The following OTOP1 variants were observed in gnomAD, a reference collection of about 807,000 sequenced individuals.
The protein encoded by OTOP1 is otopetrin 1.
Under a neutral mutation model 52.9 loss-of-function variants are expected in OTOP1, and 59 were observed. That is an observed-to-expected ratio of 1.12 (90% CI 0.91 to 1.39). The LOEUF is 1.39. Among genes scored for constraint, OTOP1 ranks in the 40% most tolerant of loss-of-function variants. OTOP1 has a pLI of 0.00. For missense variants in OTOP1, 761 were observed against 800.9 expected (o/e 0.95, Z 0.60); for synonymous variants, 317 against 337.7 (o/e 0.94, Z 0.67).
intron 3 of OTOP1, among the ~76,000 whole-genome samples, chr4:4,205,033 A>G (rs577035895): frequency 6.6e-6 from 1 of 152,026 alleles, no homozygotes; most frequent in Non-Finnish European, 1.5e-5. Flanking sequence ...GGGCCTCCCA[A>G]AGTGCTGGGA....
intron 1 of OTOP1, among the ~76,000 whole-genome samples, chr4:4,222,976 A>T (rs1717333901): frequency 6.6e-6 from 1 of 152,172 alleles, no homozygotes; most frequent in South Asian, 2.1e-4. Flanking sequence ...TGGGATTCTT[A>T]TCTTACTGAT....
chr4:4,195,058 T>C (rs1393279655), intron 5 of OTOP1, among the ~76,000 whole-genome samples: 1 of 152,178 alleles, frequency 6.6e-6, no homozygotes, highest in East Asian at 1.9e-4. Context: ...GGGAGGATCA[T>C]TCCAAAACAC....
chr4:4,203,884 T>A (rs1348067573), intron 3 of OTOP1, among the ~76,000 whole-genome samples: 1 of 152,210 alleles, frequency 6.6e-6, no homozygotes, highest in Non-Finnish European at 1.5e-5. Context: ...GTGGGGCAGA[T>A]CCATGGAACC....
rs369815171 is a variant in OTOP1 at position 4,198,038 on chromosome 4, C to T, written c.796G>A (p.Gly266Arg). ...TTGAAGGGGTAGAGGTAGTAGATCC[C>T]GTGGGAGATGGCAGTGCACAGAGTT... ...PPTLCTAISH[G>R]IYYLYPFNIE... The change falls in exon 5 of 6, where the codon GGG becomes AGG. Residue 266 changes from glycine (G) to arginine (R), a missense_variant. Gly to Arg is a moderately radical substitution (Grantham distance 125). Transcript: ENST00000296358. 139 of 1,613,878 alleles carry T rather than the reference C, an allele frequency of 8.6e-5. No individual in the cohort carries two copies. The highest frequency in any genetic ancestry group is 2.7e-5 in the African/African-American group (2 of 74,868).
chr4:4,212,392 C>A (rs1008137863), intron 2 of OTOP1, among the ~76,000 whole-genome samples: 7 of 152,146 alleles, frequency 4.6e-5, no homozygotes, highest in Non-Finnish European at 1.0e-4. Context: ...CCAGAGGAGG[C>A]ACTGCAATGG....
chr4:4,212,535 G>A (rs914733338), intron 2 of OTOP1, among the ~76,000 whole-genome samples: 2 of 152,132 alleles, frequency 1.3e-5, no homozygotes, highest in African/African-American at 2.4e-5. Context: ...TATACGCCAC[G>A]TGAATTCTCT....
chr4:4,225,884 G>A (rs1182362041), intron 1 of OTOP1, among the ~76,000 whole-genome samples: 21 of 152,196 alleles, frequency 1.4e-4, no homozygotes, highest in Admixed American at 1.4e-3. Flanking sequence ...GCCGGGAGGA[G>A]AAGGGGGTCG....
At chr4:4,224,602 A>G (rs1330600521) in intron 1 of OTOP1, among the ~76,000 whole-genome samples, 2 of 152,234 alleles carry the variant, frequency 1.3e-5, no homozygotes, top group Admixed American at 6.5e-5. Context: ...ATAGCACCAG[A>G]TTCACTGTCA....
At chr4:4,193,474 C>T (rs992547714) in intron 5 of OTOP1, among the ~76,000 whole-genome samples, 1 of 152,202 alleles carries the variant, frequency 6.6e-6, no homozygotes, top group Non-Finnish European at 1.5e-5. Context: ...GCAGCTGGGG[C>T]CTCTGGACTG....
intron 1 of OTOP1, among the ~76,000 whole-genome samples, chr4:4,220,827 C>G (rs1274339369): frequency 6.6e-6 from 1 of 151,966 alleles, no homozygotes; most frequent in East Asian, 1.9e-4. Flanking sequence ...CAAATCCCTC[C>G]TAGGAGTCTA....
intron 4 of OTOP1, among the ~76,000 whole-genome samples, chr4:4,200,503 T>C (rs1036983480): frequency 2.0e-5 from 3 of 150,084 alleles, no homozygotes; most frequent in Non-Finnish European, 3.0e-5. Flanking sequence ...AGAAAAACTA[T>C]ATCGTAGCAT....
At chr4:4,202,663 A>C in intron 3 of OTOP1, 85 bp from the exon 4 acceptor site, 2 of 1,515,772 alleles carry the variant, frequency 1.3e-6, no homozygotes, top group East Asian at 2.3e-5. Flanking sequence ...GCACACAAAT[A>C]CATGGCTCCT....
chr4:4,204,980 G>C (rs1413949586), intron 3 of OTOP1, among the ~76,000 whole-genome samples: 1 of 152,072 alleles, frequency 6.6e-6, no homozygotes, highest in East Asian at 1.9e-4. Flanking sequence ...CACCACATTG[G>C]CCAGGCTGGT....
chr4:4,212,079 G>T (rs1717038718), intron 2 of OTOP1, among the ~76,000 whole-genome samples: 1 of 152,062 alleles, frequency 6.6e-6, no homozygotes, highest in South Asian at 2.1e-4. Context: ...AAAGAATCAT[G>T]TTGTATATCT....
chr4:4,215,520 G>A (rs192878027), intron 1 of OTOP1, among the ~76,000 whole-genome samples: 45 of 152,094 alleles, frequency 3.0e-4, no homozygotes, highest in African/African-American at 1.0e-3. Context: ...AAATTAGCGG[G>A]TGTGGTGGTA....
chr4:4,195,076 A>T (rs2980124), intron 5 of OTOP1, among the ~76,000 whole-genome samples: 2 of 151,828 alleles, frequency 1.3e-5, no homozygotes, highest in African/African-American at 2.4e-5. Context: ...CACAAATCTG[A>T]GAGAGTCCTC....
At chr4:4,225,058 T>A (rs1398947012) in intron 1 of OTOP1, among the ~76,000 whole-genome samples, 1 of 152,170 alleles carries the variant, frequency 6.6e-6, no homozygotes, top group Non-Finnish European at 1.5e-5. Flanking sequence ...TTGCCCAAGG[T>A]CATGCATGCA....
Position 4,197,612 on chromosome 4 carries a change from AG to A in OTOP1, c.1221del (p.Ser408GlnfsTer98). 6.2e-7 allele frequency: 1 copy of A among 1,613,626 alleles called. No individual in the cohort carries two copies. Among genetic ancestry groups the A allele is most frequent in the Non-Finnish European group, 8.5e-7 (1 of 1,179,896 alleles). On this transcript the variant is annotated frameshift_variant, in exon 5 of 6. Coordinates refer to ENST00000296358, the MANE Select transcript of OTOP1 (RefSeq NM_177998.3). LOFTEE classifies it high-confidence loss of function. ...TCAGCACAGAGGATGGCCAAGATTG[AG>A]CCCCAGGAGATAAGCCAGGAGCCCG... ...TASGSWLISW[G>X]SILAILCAEG...
At chr4:4,219,408 T>A (rs1284357446) in intron 1 of OTOP1, among the ~76,000 whole-genome samples, 7 of 152,170 alleles carry the variant, frequency 4.6e-5, no homozygotes, top group African/African-American at 9.6e-5. Flanking sequence ...CTACATATGA[T>A]AAAAGACAGA....
Sources: allele counts gnomAD v4.1 joint callset (sites outside exome capture counted in the v4.1 genomes callset), GRCh38; gene constraint gnomAD v4.1.1; transcripts MANE v1.5; gene names NCBI Gene and HGNC (gene_info 2026-07-23, HGNC 2026-07-21).